The following NSUN2 variants were observed in gnomAD, a reference collection of about 807,000 sequenced individuals.
NSUN2 encodes RNA cytosine C(5)-methyltransferase NSUN2.
A neutral mutation model predicts 92.7 loss-of-function variants in NSUN2; 63 were observed. The ratio of observed to expected loss-of-function variants is 0.68; its 90% CI spans 0.56 to 0.84. The LOEUF is 0.84. Ranked by LOEUF, NSUN2 falls within the 40% of genes least tolerant of loss-of-function variation. The pLI, the probability that NSUN2 is intolerant of heterozygous loss-of-function variation, is 0.00. For synonymous variants in NSUN2, 356 were observed against 348.3 expected (o/e 1.02, Z -0.25); for missense variants, 989 against 964.9 (o/e 1.02, Z -0.33).
chr5:6,619,616 C>G (rs1279108731), intron 7 of NSUN2, among the ~76,000 whole-genome samples: 1 of 152,160 alleles, frequency 6.6e-6, no homozygotes, highest in African/African-American at 2.4e-5. Context: ...TATAAAAACA[C>G]AAGCAAAATG....
intron 18 of NSUN2, 71 bp downstream of exon 18, chr5:6,602,390 C>T: frequency 6.8e-7 from 1 of 1,472,902 alleles, no homozygotes; most frequent in South Asian, 1.1e-5. Context: ...AAGTCACTTT[C>T]CTCACCAACG....
At chr5:6,623,161 AT>A in intron 5 of NSUN2, 52 bp downstream of exon 5, 1 of 1,497,602 alleles carries the variant, frequency 6.7e-7, no homozygotes, top group Non-Finnish European at 9.0e-7. Flanking sequence ...ACAAACAGGC[AT>A]GACACTGGTA....
At chr5:6,614,478 A>G (rs1449186283) in intron 9 of NSUN2, among the ~76,000 whole-genome samples, 6 of 152,092 alleles carry the variant, frequency 3.9e-5, no homozygotes, top group Non-Finnish European at 8.8e-5. Flanking sequence ...AACATGGTGC[A>G]CTGTGTGTGA....
intron 2 of NSUN2, among the ~76,000 whole-genome samples, chr5:6,632,229 A>G (rs1169314905): frequency 1.4e-5 from 2 of 146,794 alleles, no homozygotes; most frequent in East Asian, 3.9e-4. Flanking sequence ...CTTGCGACTC[A>G]TTTAGAAAGA....
At chr5:6,626,595 C>A (rs115065327) in intron 3 of NSUN2, among the ~76,000 whole-genome samples, 2,648 of 152,230 alleles carry the variant, frequency 0.017, 35 homozygotes, top group South Asian at 0.028. Context: ...GTGATCCGGC[C>A]GCATCAGTCT....
chr5:6,618,019 T>A lies in NSUN2; in HGVS notation c.821A>T (p.Asp274Val), dbSNP rs1366196710. ...ATCAATGTTTTTTCTCATAGTGCCG[T>A]CTCCACTGGAAAAAAGATATTTATG... is the stretch of plus-strand genomic sequence containing the variant. ...RILCDVPCSG[D>V]GTMRKNIDVW... Residue 274 changes from aspartate (D) to valine (V), a missense_variant, in exon 8 of 19, where the codon GAC (aspartate) becomes GTC (valine). By Grantham distance (152) the Asp-to-Val change is radical (BLOSUM62 -3). Coordinates refer to ENST00000264670, the MANE Select transcript of NSUN2 (RefSeq NM_017755.6). 1.9e-6 allele frequency: 3 copies of A among 1,612,746 alleles called. No individual in the cohort carries two copies. Among genetic ancestry groups the A allele is most frequent in the Non-Finnish European group, 2.5e-6 (3 of 1,179,086 alleles).
chr5:6,627,888 C>G (rs1367755323), intron 3 of NSUN2, among the ~76,000 whole-genome samples: 1 of 152,136 alleles, frequency 6.6e-6, no homozygotes, highest in African/African-American at 2.4e-5. Flanking sequence ...TAGTTACTTA[C>G]TTCAAATTTA....
chr5:6,607,757 G>A (rs1193098561), intron 12 of NSUN2, among the ~76,000 whole-genome samples: 3 of 152,128 alleles, frequency 2.0e-5, no homozygotes, highest in Non-Finnish European at 2.9e-5. Context: ...TAAAATACCC[G>A]GCAGGGGCAA....
chr5:6,608,660 C>T (rs914212781), intron 12 of NSUN2, among the ~76,000 whole-genome samples: 3 of 152,188 alleles, frequency 2.0e-5, no homozygotes, highest in Non-Finnish European at 4.4e-5. Flanking sequence ...AGTATTAACA[C>T]GTCAGAAACA....
intron 9 of NSUN2, among the ~76,000 whole-genome samples, chr5:6,613,709 C>A (rs149419157): frequency 6.6e-6 from 1 of 152,238 alleles, no homozygotes; most frequent in East Asian, 1.9e-4. Context: ...AATAAAGGTG[C>A]GATTTTGGCC....
At chr5:6,627,045 T>C (rs1333391177) in intron 3 of NSUN2, among the ~76,000 whole-genome samples, 1 of 152,170 alleles carries the variant, frequency 6.6e-6, no homozygotes, top group Non-Finnish European at 1.5e-5. Context: ...TTCTACCAAA[T>C]AATGAAGACG....
chr5:6,614,870 C>A (rs188540452), intron 9 of NSUN2, among the ~76,000 whole-genome samples: 1 of 152,104 alleles, frequency 6.6e-6, no homozygotes, highest in East Asian at 1.9e-4. Flanking sequence ...ACTCCAGCCA[C>A]GAGTGAGGAC....
In NSUN2 at chr5:6,602,468, C is replaced by T. The variant is rs1263474875; in HGVS notation, c.1990G>A (p.Asp664Asn). ...KGSIVLKYEP[D>N]SANPDALQCP... ...GGGCGTGTACTGACTTACGCAGAAT[C>T]TGGTTCATACTTCAGCACGATGCTT... The change falls in exon 18 of 19, where the codon GAT becomes AAT. Residue 664 changes from aspartate to asparagine, a missense_variant. By Grantham distance (23) the Asp-to-Asn change is conservative. Around this residue, in one of 3 missense-constraint regions of NSUN2, gnomAD observed 626 missense variants for 602.3 expected, o/e 1.04. Coordinates refer to ENST00000264670, the MANE Select transcript of NSUN2 (RefSeq NM_017755.6). 6.2e-7 allele frequency: 1 copy of T among 1,613,908 alleles called. No homozygotes were observed. Among genetic ancestry groups the T allele is most frequent in the African/African-American group, 1.3e-5 (1 of 74,772 alleles).
Position 6,632,869 on chromosome 5 carries a change from G to A in NSUN2, c.96+15C>T, listed in dbSNP as rs745412907. The A allele has an allele frequency of 2.1e-5, 32 of 1,535,688 alleles. No individual in the cohort carries two copies. The highest frequency in any genetic ancestry group is 2.8e-5 in the Non-Finnish European group (32 of 1,145,098). Reference sequence around the variant, plus strand: ...GGAGGAGCCCCTGGCCCGCCCGCCGGGTCCCGGCTCCTACCGCCTCGCCGC... The same window carrying A: ...GGAGGAGCCCCTGGCCCGCCCGCCGAGTCCCGGCTCCTACCGCCTCGCCGC... On this transcript the variant is annotated intron_variant, in intron 1 of 18. Transcript: ENST00000264670.
intron 3 of NSUN2, among the ~76,000 whole-genome samples, chr5:6,628,266 T>C (rs1303746195): frequency 6.6e-6 from 1 of 152,194 alleles, no homozygotes; most frequent in African/African-American, 2.4e-5. Flanking sequence ...GAGGATCACC[T>C]GAGCCCAGGA....
rs760872450 is a variant in NSUN2, at chr5:6,611,448, T to TAAAAAAAAAAAAAAAAAAAA, written c.1095+276_1095+277insTTTTTTTTTTTTTTTTTTTT. ...ACAAGGCTTGAATCCCGGCCCAATT[T>TAAAAAAAAAAAAAAAAAAAA]AAAAAAAAAAAAAAAAAGCAAAGCT... On this transcript the variant is annotated intron_variant, in intron 10 of 18. Coordinates refer to ENST00000264670, the MANE Select transcript of NSUN2 (RefSeq NM_017755.6). Among the ~76,000 whole-genome samples, 383 of 85,848 alleles carry TAAAAAAAAAAAAAAAAAAAA rather than the reference T, an allele frequency of 4.5e-3. 23 individuals carry two copies. The highest frequency in any genetic ancestry group is 6.2e-3 in the African/African-American group (139 of 22,390). The allele number at this position is 85,848 out of a possible 152,430, so 56.3% of individuals were successfully genotyped here.
In NSUN2 at chr5:6,604,169, G is replaced by T; in HGVS notation, c.1926C>A (p.Ser642Arg). Residue 642 changes from serine to arginine, a missense_variant, in exon 17 of 19, where the codon AGC (serine) becomes AGA (arginine). Ser to Arg is a moderately radical substitution (Grantham distance 110). Transcript: ENST00000264670. ...CCTTTGCTTGACTGTAGGTCTCACT[G>T]CTGAGTTTTCTAAAAAAGGGATTTT... ...TQENPFFRKL[S>R]SETYSQAKDL... 1 of 1,613,964 alleles carries T rather than the reference G, an allele frequency of 6.2e-7. No homozygotes were observed.
intron 2 of NSUN2, among the ~76,000 whole-genome samples, chr5:6,632,234 G>A (rs1410890840): frequency 2.0e-5 from 3 of 152,118 alleles, no homozygotes; most frequent in South Asian, 2.1e-4. Context: ...GACTCATTTA[G>A]AAAGATGTAA....
At chr5:6,625,752 T>C in intron 3 of NSUN2, 83 bp from the exon 4 acceptor site, 1 of 915,700 alleles carries the variant, frequency 1.1e-6, no homozygotes, top group East Asian at 2.5e-5. Flanking sequence ...ATCAGTCGCA[T>C]GCCAAATGAG....
Sources: gnomAD v4.1 joint callset for allele counts (sites outside exome capture counted in the v4.1 genomes callset) on GRCh38, gnomAD v4.1.1 for gene constraint, gnomAD v4.1.1 regional missense constraint, MANE v1.5 for transcripts, NCBI Gene and HGNC (gene_info 2026-07-23, HGNC 2026-07-21) for gene names.